The following CDH23 variants were observed in gnomAD, a reference collection of about 807,000 sequenced individuals.
The protein encoded by CDH23 is cadherin-23.
Under a neutral mutation model 317.1 loss-of-function variants are expected in CDH23, and 189 were observed. The ratio of observed to expected loss-of-function variants is 0.60; its 90% CI spans 0.53 to 0.67. CDH23 has a LOEUF of 0.67. Among genes scored for constraint, CDH23 ranks in the 30% least tolerant of loss-of-function variants. The pLI is 0.00. For missense variants in CDH23, 4,401 were observed against 4,592.4 expected, an observed-to-expected ratio of 0.96 and a Z score of 1.20; for synonymous variants, 1,839 against 1,876.8, an observed-to-expected ratio of 0.98 and a Z score of 0.52.
chr10:71,482,898 G>A (rs1852143850), intron 3 of CDH23, among the ~76,000 whole-genome samples: 1 of 152,190 alleles, frequency 6.6e-6, no homozygotes, highest in African/African-American at 2.4e-5. Flanking sequence ...GTGTTTCCAG[G>A]CAACAGAAAG....
At position 71,811,365 on chromosome 10, in the gene CDH23, G is replaced by A. The variant is rs565784910; in HGVS notation, c.9128G>A (p.Arg3043Gln). 49 of 1,613,898 alleles carry A rather than the reference G, an allele frequency of 3.0e-5. 1 individual carries two copies. Among genetic ancestry groups the A allele is most frequent in the South Asian group, 7.7e-5 (7 of 91,078 alleles). ...ENKEQLRNLF[R>Q]NYNVLDVQPA... Reference sequence around the variant, plus strand: ...AAGGAGCAGCTACGGAATCTTTTCCGGAACTACAACGTCCTGGACGTGCAG... The same window carrying A: ...AAGGAGCAGCTACGGAATCTTTTCCAGAACTACAACGTCCTGGACGTGCAG... Residue 3043 changes from arginine (R) to glutamine (Q), a missense_variant, in exon 63 of 70, where the codon CGG becomes CAG. By Grantham distance (43) the Arg-to-Gln change is conservative. This residue lies in a region of CDH23 where 1,144 missense variants were observed against 1,138.2 expected (regional missense o/e 1.01). Coordinates refer to ENST00000224721, the MANE Select transcript of CDH23 (RefSeq NM_022124.6).
At chr10:71,790,125 C>T (rs1420490911) in intron 45 of CDH23, among the ~76,000 whole-genome samples, 163 bp from the exon 46 acceptor site, 2 of 152,232 alleles carry the variant, frequency 1.3e-5, no homozygotes, top group Non-Finnish European at 2.9e-5. Flanking sequence ...GTTCAGTCTG[C>T]CAAGGCTGCC....
chr10:71,670,435 G>C (rs1010085720), intron 14 of CDH23, among the ~76,000 whole-genome samples: 1 of 152,246 alleles, frequency 6.6e-6, no homozygotes, highest in African/African-American at 2.4e-5. Flanking sequence ...GGCACACACA[G>C]ACAGTTTTCA....
At chr10:71,425,458 C>G (rs905975256) in intron 1 of CDH23, among the ~76,000 whole-genome samples, 3 of 137,812 alleles carry the variant, frequency 2.2e-5, no homozygotes, top group Admixed American at 1.4e-4. Context: ...GAATAGGCTC[C>G]CAGGTTATTA....
At chr10:71,405,055 C>T (rs970482518) in intron 1 of CDH23, among the ~76,000 whole-genome samples, 5 of 152,142 alleles carry the variant, frequency 3.3e-5, no homozygotes, top group African/African-American at 1.2e-4. Flanking sequence ...TCTGGGTTTC[C>T]ATTTGTATCA....
At chr10:71,513,162 C>T (rs1854089021) in intron 6 of CDH23, among the ~76,000 whole-genome samples, 1 of 152,182 alleles carries the variant, frequency 6.6e-6, no homozygotes, top group Non-Finnish European at 1.5e-5. Flanking sequence ...TTTAATTGCT[C>T]GTGTGTAAAC....
intron 14 of CDH23, among the ~76,000 whole-genome samples, chr10:71,659,105 T>G (rs1863537449): frequency 6.6e-6 from 1 of 152,174 alleles, no homozygotes; most frequent in Non-Finnish European, 1.5e-5. Context: ...AAGTCACCCT[T>G]CAGTAGGTTC....
intron 17 of CDH23, among the ~76,000 whole-genome samples, chr10:71,682,134 C>G (rs1864678299): frequency 6.6e-6 from 1 of 152,240 alleles, no homozygotes; most frequent in Non-Finnish European, 1.5e-5. Context: ...CTAGGCTCAT[C>G]TCCCCACTCT....
intron 3 of CDH23, among the ~76,000 whole-genome samples, chr10:71,465,821 A>G (rs1037288332): frequency 3.3e-5 from 5 of 152,180 alleles, no homozygotes; most frequent in Non-Finnish European, 7.3e-5. Context: ...CTCTTACTTC[A>G]GTGGAGTTGG....
chr10:71,512,739 C>T (rs1854067535), intron 6 of CDH23, among the ~76,000 whole-genome samples: 1 of 152,244 alleles, frequency 6.6e-6, no homozygotes, highest in South Asian at 2.1e-4. Context: ...ACTTCCAACA[C>T]TCGGCCCTGT....
chr10:71,463,774 G>T (rs757510107), intron 3 of CDH23, among the ~76,000 whole-genome samples: 5 of 152,162 alleles, frequency 3.3e-5, no homozygotes, highest in African/African-American at 1.2e-4. Context: ...GAAATTTGTC[G>T]GCTGAGTTTC....
Position 71,725,475 on chromosome 10 carries a change from G to T in CDH23, c.3534G>T (p.Val1178=). 1 of 1,613,958 alleles carries T rather than the reference G, an allele frequency of 6.2e-7. No homozygotes were observed. Among genetic ancestry groups the T allele is most frequent in the Non-Finnish European group, 8.5e-7 (1 of 1,179,864 alleles). The change falls in exon 30 of 70, where the codon GTG becomes GTT. Residue 1178 remains valine, a synonymous_variant. Coordinates refer to ENST00000224721, the MANE Select transcript of CDH23 (RefSeq NM_022124.6). ...GGAACTCATCCCACGTGCTGATAGT[G>T]GAGGCCTACAACCACGACCTGGGCC... ...RERNSSHVLI[V]EAYNHDLGPM... is the part of the protein sequence containing the mutation.
At chr10:71,561,668 G>A (rs1221592930) in intron 6 of CDH23, among the ~76,000 whole-genome samples, 1 of 152,218 alleles carries the variant, frequency 6.6e-6, no homozygotes, top group Non-Finnish European at 1.5e-5. Context: ...GGAACTGGAA[G>A]AGGCAAGACC....
intron 47 of CDH23, among the ~76,000 whole-genome samples, chr10:71,792,502 A>G (rs1316009050): frequency 6.6e-6 from 1 of 152,118 alleles, no homozygotes; most frequent in Non-Finnish European, 1.5e-5. Context: ...TATAGCCAAT[A>G]TTGAAAGGCA....
intron 38 of CDH23, among the ~76,000 whole-genome samples, chr10:71,776,130 A>C (rs1840811687): frequency 6.6e-6 from 1 of 152,160 alleles, no homozygotes. Flanking sequence ...AGGGGATGTG[A>C]CCTGCCCAAG....
At chr10:71,444,465 A>G (rs1351922152) in intron 2 of CDH23, among the ~76,000 whole-genome samples, 1 of 152,066 alleles carries the variant, frequency 6.6e-6, no homozygotes, top group African/African-American at 2.4e-5. Context: ...GGTGCATGTG[A>G]GTATTTGGGG....
intron 8 of CDH23, among the ~76,000 whole-genome samples, chr10:71,575,817 G>T (rs983877586): frequency 2.6e-5 from 4 of 152,358 alleles, no homozygotes; most frequent in African/African-American, 9.6e-5. Context: ...CAAGAGCTGT[G>T]GGCTCCCAGG....
intron 1 of CDH23, among the ~76,000 whole-genome samples, chr10:71,424,531 C>T (rs984845702): frequency 3.3e-5 from 5 of 152,176 alleles, no homozygotes; most frequent in Admixed American, 6.5e-5. Context: ...TCGATACCCC[C>T]ACTCATCCCC....
At chr10:71,583,966 G>GCAT (rs1246727527) in intron 9 of CDH23, among the ~76,000 whole-genome samples, 11 of 152,104 alleles carry the variant, frequency 7.2e-5, no homozygotes, top group Admixed American at 6.5e-4. Flanking sequence ...CAGAGCAGCA[G>GCAT]CATCAGCATC....
Sources: allele counts gnomAD v4.1 joint callset (sites outside exome capture counted in the v4.1 genomes callset), GRCh38; gene constraint gnomAD v4.1.1; regional missense constraint gnomAD v4.1.1; transcripts MANE v1.5; gene names NCBI Gene and HGNC (gene_info 2026-07-23, HGNC 2026-07-21).